The following MXD4 variants were observed in gnomAD, a reference collection of about 807,000 sequenced individuals.
The protein encoded by MXD4 is Mad4 homolog.
A neutral mutation model predicts 24.5 loss-of-function variants in MXD4; 16 were observed. That is an observed-to-expected ratio of 0.65 (90% CI 0.44 to 0.99). MXD4 has a LOEUF of 0.99. MXD4 is among the 50% of genes least tolerant of loss of function. The pLI is 0.00. For synonymous variants in MXD4, 164 were observed against 134.2 expected (o/e 1.22, Z -1.54); for missense variants, 301 against 301.5 (o/e 1.00, Z 0.01).
intron 3 of MXD4, among the ~76,000 whole-genome samples, chr4:2,256,619 G>A (rs1366179861): frequency 6.6e-6 from 1 of 152,172 alleles, no homozygotes; most frequent in Non-Finnish European, 1.5e-5. Context: ...CTGCACTGGG[G>A]TGGGGGAGTC....
In MXD4 at chr4:2,250,523, C is replaced by G; in HGVS notation, c.*21G>C. ...ACGCGTGGCTGGCGGGCAGGCAGGCCAAGGAGCAGAGGGCACGGGCCTACG... is the reference window on the plus strand; with the variant it reads ...ACGCGTGGCTGGCGGGCAGGCAGGCGAAGGAGCAGAGGGCACGGGCCTACG... On this transcript the variant is annotated 3_prime_UTR_variant, in exon 6 of 6. Coordinates refer to ENST00000337190, the MANE Select transcript of MXD4 (RefSeq NM_006454.3). 1 of 1,542,360 alleles carries G rather than the reference C, an allele frequency of 6.5e-7. No individual in the cohort carries two copies. Among genetic ancestry groups the G allele is most frequent in the Non-Finnish European group, 8.7e-7 (1 of 1,144,912 alleles).
At chr4:2,256,153 AAAG>A (rs200038984) in intron 3 of MXD4, among the ~76,000 whole-genome samples, 2,844 of 152,318 alleles carry the variant, frequency 0.019, 49 homozygotes, top group Non-Finnish European at 0.03. Context: ...AAGGGCCAGG[AAAG>A]AAGGCTGGGA....
chr4:2,251,333 C>A, intron 4 of MXD4, 87 bp from the exon 5 acceptor site: 1 of 1,416,016 alleles, frequency 7.1e-7, no homozygotes, highest in Non-Finnish European at 9.3e-7. Context: ...CAGGCCTGGG[C>A]CCGGGAGGTT....
In MXD4 at chr4:2,252,413, T is replaced by G; in HGVS notation, c.304A>C (p.Ile102Leu). ...GGAGAGCAAGGCCCACTCACCTTGA[T>G]GTGCACCTTGGCCCGCTTCAGGAGG... Reference protein sequence around the residue: ...LSLLKRAKVHIKKLEEQDRRA... With the variant: ...LSLLKRAKVHLKKLEEQDRRA... Residue 102 changes from isoleucine (I) to leucine (L), a missense_variant, in exon 4 of 6, where the codon ATC becomes CTC. Coordinates refer to ENST00000337190, the MANE Select transcript of MXD4 (RefSeq NM_006454.3). 6.2e-7 allele frequency: 1 copy of G among 1,611,986 alleles called. No homozygotes were observed. The highest frequency in any genetic ancestry group is 8.5e-7 in the Non-Finnish European group (1 of 1,179,276).
Position 2,261,897 on chromosome 4 carries a change from C to G in MXD4, c.64+20G>C. ...CCGCCCGCCCACCGCCGCGGGCGCA[C>G]AATGGGGTGCGAGCGCTACCTCGAT... On this transcript the variant is annotated intron_variant, in intron 1 of 5. Transcript: ENST00000337190. 1.4e-6 allele frequency: 2 copies of G among 1,438,716 alleles called. No individual in the cohort carries two copies. Among genetic ancestry groups the G allele is most frequent in the Non-Finnish European group, 1.8e-6 (2 of 1,096,002 alleles). The allele number at this position is 1,438,716 out of a possible 1,614,324, so 89.1% of individuals were successfully genotyped here. A position where few individuals can be genotyped will look rare whatever the true frequency, so the allele number is the denominator to read the frequency against.
At chr4:2,255,253 T>C (rs1735403122) in intron 3 of MXD4, 2 of 453,646 alleles carry the variant, frequency 4.4e-6, no homozygotes, top group Non-Finnish European at 8.9e-6. Flanking sequence ...CGGGGAGCAG[T>C]GGAGGATGTG....
intron 2 of MXD4, among the ~76,000 whole-genome samples, chr4:2,260,241 T>G (rs1401789270): frequency 6.6e-6 from 1 of 152,180 alleles, no homozygotes; most frequent in Non-Finnish European, 1.5e-5. Context: ...CAGCAGAATG[T>G]GGACAGCTGG....
intron 2 of MXD4, among the ~76,000 whole-genome samples, chr4:2,260,220 G>A (rs570565643): frequency 6.6e-6 from 1 of 152,324 alleles, no homozygotes; most frequent in South Asian, 2.1e-4. Flanking sequence ...GTGCCCCCAT[G>A]GTCTCTGTCC....
rs1018693484 is a variant in MXD4, at chr4:2,248,574, G to C, written c.*1970C>G. 1 of 152,500 alleles carries C rather than the reference G, an allele frequency of 6.6e-6. No individual in the cohort carries two copies. Among genetic ancestry groups the C allele is most frequent in the African/African-American group, 2.4e-5 (1 of 41,568 alleles). The allele number at this position is 152,500 out of a possible 1,614,324, so 9.4% of individuals were successfully genotyped here. On this transcript the variant is annotated 3_prime_UTR_variant, in exon 6 of 6. Transcript: ENST00000337190. ...AGGCAGGCAGGGGAAGCTCCTTTCTGGGCACCCCTGGACCCCAGTGGGGCC... is the reference window on the plus strand; with the variant it reads ...AGGCAGGCAGGGGAAGCTCCTTTCTCGGCACCCCTGGACCCCAGTGGGGCC...
intron 3 of MXD4, 139 bp downstream of exon 3, chr4:2,257,843 A>T: frequency 8.8e-7 from 1 of 1,138,390 alleles, no homozygotes; most frequent in Non-Finnish European, 1.3e-6. Context: ...TCCAAGTCTG[A>T]CCATTCCCAA....
intron 2 of MXD4, chr4:2,258,884 C>G (rs1735483191): frequency 2.2e-6 from 1 of 455,868 alleles, no homozygotes; most frequent in African/African-American, 2.0e-5. Context: ...CTGCTGCTCA[C>G]CTGTCTTGCC....
chr4:2,252,792 A>C, intron 3 of MXD4: 1 of 371,908 alleles, frequency 2.7e-6, no homozygotes, highest in Non-Finnish European at 4.9e-6. Context: ...ATTTCCTAGG[A>C]GCCCCAGCTC....
At chr4:2,252,337 G>T in intron 4 of MXD4, 71 bp downstream of exon 4, 1 of 1,287,472 alleles carries the variant, frequency 7.8e-7, no homozygotes, top group Non-Finnish European at 1.1e-6. Flanking sequence ...TCACCTGTGA[G>T]CACCCCCCCA....
In MXD4 at chr4:2,261,989, C is replaced by T; in HGVS notation, c.-9G>A. ...AGGGAGTTCAGCTCCATCCTCCCGC[C>T]CGCGCCCGTCCGCCCCGGGACGGCG... On this transcript the variant is annotated 5_prime_UTR_variant, in exon 1 of 6. Coordinates refer to ENST00000337190, the MANE Select transcript of MXD4 (RefSeq NM_006454.3). The T allele has an allele frequency of 5.4e-6, 7 of 1,306,430 alleles. No individual in the cohort carries two copies. Among genetic ancestry groups the T allele is most frequent in the Non-Finnish European group, 6.9e-6 (7 of 1,019,926 alleles). The allele number at this position is 1,306,430 out of a possible 1,614,324, so 80.9% of individuals were successfully genotyped here.
At position 2,262,056 on chromosome 4, in the gene MXD4, C is replaced by T. The variant is rs1351840881; in HGVS notation, c.-76G>A. ...CCGCTCCGGCCGGCTCCGCTCGCCGCCCACCCCGCGCGCCCGGCCGCCGCA... is the reference window on the plus strand; with the variant it reads ...CCGCTCCGGCCGGCTCCGCTCGCCGTCCACCCCGCGCGCCCGGCCGCCGCA... On this transcript the variant is annotated 5_prime_UTR_variant, in exon 1 of 6. Coordinates refer to ENST00000337190, the MANE Select transcript of MXD4 (RefSeq NM_006454.3). 4 of 845,976 alleles carry T rather than the reference C, an allele frequency of 4.7e-6. No homozygotes were observed. Among genetic ancestry groups the T allele is most frequent in the Non-Finnish European group, 5.7e-6 (4 of 702,148 alleles). 52.4% of individuals were successfully genotyped at this position (845,976 alleles called of 1,614,324 possible).
chr4:2,262,041 C>A lies in MXD4; in HGVS notation c.-61G>T, dbSNP rs1246196425. 5.3e-6 allele frequency: 5 copies of A among 936,340 alleles called. No homozygotes were observed. The highest frequency in any genetic ancestry group is 1.8e-5 in the African/African-American group (1 of 56,068). The allele number at this position is 936,340 out of a possible 1,614,324, so 58.0% of individuals were successfully genotyped here. On this transcript the variant is annotated 5_prime_UTR_variant, in exon 1 of 6. Transcript: ENST00000337190. The stretch of plus-strand genomic sequence containing the variant: ...CGGCCGCTGCCCGGCCCGCTCCGGC[C>A]GGCTCCGCTCGCCGCCCACCCCGCG...
intron 3 of MXD4, among the ~76,000 whole-genome samples, chr4:2,256,619 G>C (rs1366179861): frequency 1.3e-5 from 2 of 152,172 alleles, no homozygotes; most frequent in Non-Finnish European, 2.9e-5. Context: ...CTGCACTGGG[G>C]TGGGGGAGTC....
rs999504372 is a variant in MXD4, at chr4:2,252,767, G to A, written c.195-245C>T. ...TCACCATGGCCTGCAAAGCCTCAGC[G>A]CGTCACCGCCAGGCATTTCCTAGGA... On this transcript the variant is annotated intron_variant, in intron 3 of 5. Coordinates refer to ENST00000337190, the MANE Select transcript of MXD4 (RefSeq NM_006454.3). The A allele has an allele frequency of 2.9e-5, 13 of 444,794 alleles. No homozygotes were observed. The East Asian group carries it at 4.7e-4, about 16-fold the overall frequency. The allele number at this position is 444,794 out of a possible 1,614,324, so 27.6% of individuals were successfully genotyped here.
At chr4:2,253,305 G>C (rs532658981) in intron 3 of MXD4, 1 of 152,284 alleles carries the variant, frequency 6.6e-6, no homozygotes, top group East Asian at 1.9e-4. Flanking sequence ...TGGAGCTCAC[G>C]GGGTGCGGGG....
Sources: allele counts gnomAD v4.1 joint callset (sites outside exome capture counted in the v4.1 genomes callset), GRCh38; gene constraint gnomAD v4.1.1; transcripts MANE v1.5; gene names NCBI Gene and HGNC (gene_info 2026-07-23, HGNC 2026-07-21).